Variants in AGMO observed in about 807,000 individuals in gnomAD.
The protein encoded by AGMO is glyceryl-ether monooxygenase.
A neutral mutation model predicts 60.2 loss-of-function variants in AGMO; 75 were observed. The ratio of observed to expected loss-of-function variants is 1.25; its 90% CI spans 1.03 to 1.51. The LOEUF (loss-of-function observed/expected upper bound fraction) is 1.51, where lower values mean the gene tolerates loss of function less well. Ranked by LOEUF, AGMO falls within the 40% of genes most tolerant of loss-of-function variation. The pLI, the probability that AGMO is intolerant of heterozygous loss-of-function variation, is 0.00. For synonymous variants in AGMO, 261 were observed against 177.1 expected (o/e 1.47, Z -3.76); for missense variants, 763 against 525.5 (o/e 1.45, Z -4.42).
chr7:15,299,830 T>TACAC (rs756832586), intron 12 of AGMO, among the ~76,000 whole-genome samples: 2,130 of 47,998 alleles, frequency 0.044, 48 homozygotes, highest in African/African-American at 0.067. Context: ...TCTGTCTACA[T>TACAC]ACACACACAC....
chr7:15,547,516 G>A (rs1044617372), intron 2 of AGMO, among the ~76,000 whole-genome samples: 7 of 152,262 alleles, frequency 4.6e-5, no homozygotes, highest in African/African-American at 1.2e-4. Context: ...AAGCGCAAGG[G>A]GTCAGGGAGT....
intron 3 of AGMO, among the ~76,000 whole-genome samples, chr7:15,463,344 C>A (rs1381354806): frequency 3.3e-5 from 5 of 152,068 alleles, no homozygotes; most frequent in African/African-American, 1.2e-4. Context: ...TCTCATTTTC[C>A]TACTAGGGCA....
chr7:15,205,193 T>C (rs1352826165), intron 12 of AGMO, among the ~76,000 whole-genome samples: 2 of 152,180 alleles, frequency 1.3e-5, no homozygotes, highest in Non-Finnish European at 2.9e-5. Context: ...ACTATATTTA[T>C]CAATAAGCAA....
At chr7:15,198,408 G>C (rs1201525517), downstream of AGMO, among the ~76,000 whole-genome samples, 3 of 152,162 alleles carry the variant, frequency 2.0e-5, no homozygotes. Context: ...AAAATTAGCA[G>C]GGTTAAAGAA....
chr7:15,488,788 T>C (rs754974048), intron 3 of AGMO, among the ~76,000 whole-genome samples: 6 of 152,004 alleles, frequency 3.9e-5, no homozygotes, highest in Non-Finnish European at 5.9e-5. Flanking sequence ...CTTAGTTACA[T>C]AAGGGCACAT....
intron 12 of AGMO, among the ~76,000 whole-genome samples, chr7:15,202,489 A>AAAAAAAAACC (rs1277846759): frequency 2.3e-5 from 3 of 132,054 alleles, no homozygotes; most frequent in Non-Finnish European, 4.9e-5. Flanking sequence ...AAAAAAAAAA[A>AAAAAAAAACC]CCCTCCCAAA....
the AGMO span, among the ~76,000 whole-genome samples, chr7:15,145,675 A>G: frequency 6.6e-6 from 1 of 152,154 alleles, no homozygotes; most frequent in Non-Finnish European, 1.5e-5. Context: ...CCTTTCACGT[A>G]TTTCCTTAAA....
chr7:15,256,427 C>T (rs1563057121), intron 12 of AGMO, among the ~76,000 whole-genome samples: 2 of 152,318 alleles, frequency 1.3e-5, no homozygotes, highest in Admixed American at 6.5e-5. Flanking sequence ...ACTGCAAGCT[C>T]CGCCTCCCAG....
At chr7:15,423,771 C>T (rs73068513) in intron 4 of AGMO, among the ~76,000 whole-genome samples, 26,383 of 149,434 alleles carry the variant, frequency 0.18, 2,358 homozygotes, top group Non-Finnish European at 0.2. Context: ...AGCAAAGGAA[C>T]ACCAAAGCTG....
chr7:15,541,851 A>T (rs1260869373), intron 3 of AGMO, among the ~76,000 whole-genome samples: 1 of 152,216 alleles, frequency 6.6e-6, no homozygotes, highest in Non-Finnish European at 1.5e-5. Flanking sequence ...CAAAACTCAC[A>T]GCATTTAACA....
intron 10 of AGMO, among the ~76,000 whole-genome samples, chr7:15,375,932 T>G (rs1474376090): frequency 6.6e-6 from 1 of 152,144 alleles, no homozygotes; most frequent in East Asian, 1.9e-4. Context: ...GAAGATATAT[T>G]TAATTTCAAA....
chr7:15,527,806 A>C (rs1784164956), intron 3 of AGMO, among the ~76,000 whole-genome samples: 1 of 152,178 alleles, frequency 6.6e-6, no homozygotes, highest in African/African-American at 2.4e-5. Flanking sequence ...GGCTCTTAAG[A>C]ATTATGCTAA....
At chr7:15,471,714 G>C (rs909785121) in intron 3 of AGMO, among the ~76,000 whole-genome samples, 3 of 151,888 alleles carry the variant, frequency 2.0e-5, no homozygotes, top group Non-Finnish European at 2.9e-5. Context: ...AAAACTGTCA[G>C]TACTAATGAC....
intron 5 of AGMO, among the ~76,000 whole-genome samples, chr7:15,403,084 C>A (rs756108368): frequency 2.0e-5 from 3 of 151,862 alleles, no homozygotes; most frequent in Non-Finnish European, 4.4e-5. Flanking sequence ...TGAAAAAAAT[C>A]ACTCATTTTT....
At chr7:15,144,497 G>C in the AGMO span, among the ~76,000 whole-genome samples, 1 of 152,162 alleles carries the variant, frequency 6.6e-6, no homozygotes, top group South Asian at 2.1e-4. Flanking sequence ...GTCAAAAAAG[G>C]TGTGTGAAGA....
intron 5 of AGMO, among the ~76,000 whole-genome samples, chr7:15,417,911 G>T (rs1476809433): frequency 1.3e-5 from 2 of 152,112 alleles, no homozygotes; most frequent in Non-Finnish European, 1.5e-5. Context: ...TTCTAGGTCT[G>T]TGATTTTTGG....
At chr7:15,133,407 C>CAGTTGAGT in the AGMO span, among the ~76,000 whole-genome samples, 9 of 152,042 alleles carry the variant, frequency 5.9e-5, no homozygotes, top group Admixed American at 4.6e-4. Context: ...GAAATGGTTT[C>CAGTTGAGT]AGTTGAGTAG....
chr7:15,542,224 T>G (rs1490602056), intron 3 of AGMO, among the ~76,000 whole-genome samples: 1 of 152,200 alleles, frequency 6.6e-6, no homozygotes, highest in African/African-American at 2.4e-5. Flanking sequence ...CTACTAGCTT[T>G]CCATTACAAG....
the AGMO span, among the ~76,000 whole-genome samples, chr7:15,161,023 C>T: frequency 1.3e-5 from 2 of 152,092 alleles, no homozygotes; most frequent in African/African-American, 4.8e-5. Context: ...TGAAACTCAT[C>T]CTTTTATAGG....
Sources: allele counts gnomAD v4.1 joint callset (sites outside exome capture counted in the v4.1 genomes callset), GRCh38; gene constraint gnomAD v4.1.1; transcripts MANE v1.5; gene names NCBI Gene and HGNC (gene_info 2026-07-23, HGNC 2026-07-21).